LTBP4: variants seen among roughly 807,000 people sequenced by gnomAD.
LTBP4 encodes latent transforming growth factor beta binding protein 4.
Under a neutral mutation model 180.2 loss-of-function variants are expected in LTBP4, and 93 were observed. The ratio of observed to expected loss-of-function variants is 0.52; its 90% CI spans 0.44 to 0.61. The LOEUF (loss-of-function observed/expected upper bound fraction) is 0.61. LTBP4 is among the 20% of genes least tolerant of loss of function. The probability of loss-of-function intolerance (pLI) is 0.00; values close to 1 mark genes in which losing one functional copy is unlikely to be tolerated. For missense variants in LTBP4, 2,116 were observed against 2,256.5 expected, an observed-to-expected ratio of 0.94 and a Z score of 1.26; for synonymous variants, 947 against 934.5, an observed-to-expected ratio of 1.01 and a Z score of -0.24.
chr19:40,617,248 T>A (rs1319828597), intron 21 of LTBP4, 23 bp downstream of exon 21: 1 of 1,606,452 alleles, frequency 6.2e-7, no homozygotes, highest in African/African-American at 1.3e-5. Context: ...AGGAGGTGGA[T>A]GGGACCAAAG....
upstream of LTBP4, chr19:40,599,767 C>T (rs2099790164): frequency 6.8e-6 from 4 of 587,176 alleles, no homozygotes; most frequent in Middle Eastern, 4.5e-4. Context: ...CTGTCTCTTT[C>T]TGTTTCTTTC....
Position 40,622,125 on chromosome 19 carries a change from A to G in LTBP4, c.3218-276A>G, listed in dbSNP as rs1454771471. ...TAAGAGACCCAGAGAGGCATCCAGGAAGCCAGGGAAGTTCCCTCACCACCC... is the reference window on the plus strand; with the variant it reads ...TAAGAGACCCAGAGAGGCATCCAGGGAGCCAGGGAAGTTCCCTCACCACCC... On this transcript the variant is annotated intron_variant, in intron 22 of 29. Coordinates refer to ENST00000396819, the MANE Select transcript of LTBP4 (RefSeq NM_001042545.2). This position sits in a 1 kb window ranked among gnomAD's most constrained non-coding sequence, Gnocchi z 5.1. Among the ~76,000 whole-genome samples the G allele has an allele frequency of 6.6e-6, 1 of 152,180 alleles. No homozygotes were observed. The highest frequency in any genetic ancestry group is 1.5e-5 in the Non-Finnish European group (1 of 68,028).
Position 40,627,308 on chromosome 19 carries a change from G to A in LTBP4, c.4319G>A (p.Arg1440His), listed in dbSNP as rs937252999. ...RWPYRSRDTR[R>H]SFPEPEEPPE... Reference sequence around the variant, plus strand: ...CCCTATCGGTCCCGGGACACCCGCCGCTCCTTCCCAGAGCCCGAGGAGCCT... The same window carrying A: ...CCCTATCGGTCCCGGGACACCCGCCACTCCTTCCCAGAGCCCGAGGAGCCT... The change falls in exon 28 of 30, where the codon CGC (arginine) becomes CAC (histidine). Residue 1440 changes from arginine to histidine, a missense_variant. Around this residue, in one of 5 missense-constraint regions of LTBP4, gnomAD observed 488 missense variants for 458.8 expected, o/e 1.06. Transcript: ENST00000396819. The A allele has an allele frequency of 1.3e-6, 2 of 1,529,826 alleles. No homozygotes were observed. The highest frequency in any genetic ancestry group is 2.4e-5 in the East Asian group (1 of 41,788). 94.8% of individuals were successfully genotyped at this position (1,529,826 alleles called of 1,614,324 possible).
Position 40,613,100 on chromosome 19 carries a change from G to A in LTBP4, c.2335G>A (p.Gly779Ser). 6.2e-7 allele frequency: 1 copy of A among 1,609,798 alleles called. No individual in the cohort carries two copies. The highest frequency in any genetic ancestry group is 8.5e-7 in the Non-Finnish European group (1 of 1,178,184). ...ATGCAGTTCGGGTGCCCCTCCCTGT[G>A]GTCCCCACGGCCACTGCACTAACAC... ...DECSSGAPPC[G>S]PHGHCTNTEG... Residue 779 changes from glycine to serine, a missense_variant, in exon 16 of 30, where the codon GGT becomes AGT. Gly to Ser is a moderately conservative substitution (Grantham distance 56). Transcript: ENST00000396819. The surrounding 1 kb of genome is among the most constrained non-coding windows in gnomAD (Gnocchi z 5.0).
rs369640434 is a variant in LTBP4, at chr19:40,614,053, C to T, written c.2680+15C>T. ...CTCCTGCCTCGGTGAGAGGCCCCGC[C>T]CCGGCCTGATCCCTCCTCCCTTCGA... On this transcript the variant is annotated intron_variant, in intron 18 of 29. Transcript: ENST00000396819. 1.1e-5 allele frequency: 18 copies of T among 1,611,688 alleles called. No individual in the cohort carries two copies. Among genetic ancestry groups the T allele is most frequent in the Non-Finnish European group, 1.5e-5 (18 of 1,179,592 alleles).
At chr19:40,597,255 C>A, upstream of LTBP4, 1 of 1,508,244 alleles carries the variant, frequency 6.6e-7, no homozygotes, top group Non-Finnish European at 8.8e-7. Flanking sequence ...CTGGCACCAG[C>A]GGCCGCCGCC....
chr19:40,601,618 G>A lies in LTBP4; in HGVS notation c.231G>A (p.Gly77=), dbSNP rs902755205. The part of the protein sequence containing the change: ...DSGAPGGAAP[G]GPGFRAFLCP... ...GCGCTCCCGGCGGGGCGGCCCCGGG[G>A]GGACCCGGCTTCCGCGCCTGTGAGT... Residue 77 remains glycine, a synonymous_variant, in exon 1 of 30, where the codon GGG becomes GGA. Coordinates refer to ENST00000396819, the MANE Select transcript of LTBP4 (RefSeq NM_001042545.2). The A allele has an allele frequency of 2.4e-5, 33 of 1,377,914 alleles. No homozygotes were observed. The highest frequency in any genetic ancestry group is 2.7e-5 in the Non-Finnish European group (29 of 1,073,482). The allele number at this position is 1,377,914 out of a possible 1,614,324, so 85.4% of individuals were successfully genotyped here.
Position 40,627,240 on chromosome 19 carries a change from C to A in LTBP4, c.4251C>A (p.Gly1417=). Residue 1417 remains glycine, a synonymous_variant, in exon 28 of 30, where the codon GGC becomes GGA. Transcript: ENST00000396819. ...PDFEDDGGPY[G]ESEAPAPPGP... ...TTGAGGACGATGGTGGCCCCTATGG[C>A]GAATCTGAGGCTCCTGCGCCACCTG... The A allele has an allele frequency of 6.3e-7, 1 of 1,596,930 alleles. No homozygotes were observed.
In LTBP4 at chr19:40,627,193, C is replaced by T. The variant is rs761300620; in HGVS notation, c.4204C>T (p.Pro1402Ser). Residue 1402 changes from proline to serine, a missense_variant, in exon 28 of 30, where the codon CCC (proline) becomes TCC (serine). This residue lies in a region of LTBP4 where 488 missense variants were observed against 458.8 expected (regional missense o/e 1.06). Transcript: ENST00000396819. ...FARREAPYGA[P>S]RFDMPDFEDD... ...CCGCCGGGAGGCTCCTTATGGGGCACCCCGCTTCGACATGCCAGACTTTGA... is the reference window on the plus strand; with the variant it reads ...CCGCCGGGAGGCTCCTTATGGGGCATCCCGCTTCGACATGCCAGACTTTGA... 9 of 1,611,978 alleles carry T rather than the reference C, an allele frequency of 5.6e-6. No homozygotes were observed. The highest frequency in any genetic ancestry group is 2.2e-5 in the East Asian group (1 of 44,838).
chr19:40,610,777 C>A (rs1293637358), intron 12 of LTBP4, 120 bp downstream of exon 12: 20 of 1,407,992 alleles, frequency 1.4e-5, no homozygotes, highest in South Asian at 5.9e-5. Flanking sequence ...AGAGGCCAGG[C>A]TCTCGAGCAG....
At chr19:40,597,297 C>A, upstream of LTBP4, 1 of 1,524,908 alleles carries the variant, frequency 6.6e-7, no homozygotes, top group Non-Finnish European at 8.8e-7. Context: ...TGCCGCTCTT[C>A]GCAGCCGCCA....
At chr19:40,604,512 C>T (rs1340499493) in intron 1 of LTBP4, among the ~76,000 whole-genome samples, 5 of 152,120 alleles carry the variant, frequency 3.3e-5, no homozygotes, top group Non-Finnish European at 5.9e-5. Flanking sequence ...TCCGTGGACT[C>T]AGCCAGAAAT....
At chr19:40,626,150 C>T in intron 27 of LTBP4, 141 bp downstream of exon 27, 1 of 953,462 alleles carries the variant, frequency 1.0e-6, no homozygotes, top group East Asian at 3.1e-5. Context: ...CAGCCCATCC[C>T]AAAATCTTGG....
At position 40,616,975 on chromosome 19, in the gene LTBP4, G is replaced by C. The variant is rs778748338; in HGVS notation, c.2899G>C (p.Ala967Pro). Residue 967 changes from alanine (A) to proline (P), a missense_variant, in exon 20 of 30, where the codon GCC becomes CCC. This residue lies in a region of LTBP4 where 877 missense variants were observed against 873.6 expected (regional missense o/e 1.00). Transcript: ENST00000396819. ...NTPGSYRCTP[A>P]CDPGYQPTPG... ...CCCTGGCTCCTACCGCTGCACACCA[G>C]CCTGTGACCCTGGCTATCAGCCCAC... is the stretch of plus-strand genomic sequence containing the variant. 3.1e-6 allele frequency: 5 copies of C among 1,614,026 alleles called. No individual in the cohort carries two copies. Among genetic ancestry groups the C allele is most frequent in the African/African-American group, 1.3e-5 (1 of 75,068 alleles).
chr19:40,621,195 G>A (rs563637886), intron 22 of LTBP4, among the ~76,000 whole-genome samples: 3 of 152,134 alleles, frequency 2.0e-5, no homozygotes, highest in South Asian at 2.1e-4. Context: ...CACCTGCCTC[G>A]GCTTCCCAAA....
At chr19:40,625,252 T>TTA (rs71173663) in intron 26 of LTBP4, among the ~76,000 whole-genome samples, 1 of 44,028 alleles carries the variant, frequency 2.3e-5, no homozygotes, top group Admixed American at 3.5e-4. Context: ...ATTTTTGTAT[T>TTA]TATATATATA....
At position 40,609,903 on chromosome 19, in the gene LTBP4, C is replaced by T. The variant is rs1405546267; in HGVS notation, c.1684+32C>T. On this transcript the variant is annotated intron_variant, in intron 11 of 29. Coordinates refer to ENST00000396819, the MANE Select transcript of LTBP4 (RefSeq NM_001042545.2). This position sits in a 1 kb window ranked among gnomAD's most constrained non-coding sequence, Gnocchi z 4.9. ...AATTTGCCCCACCCGGCTCCAGGCC[C>T]ACCCCAGGGTCTCGCTCCTGCTCTC... is the stretch of plus-strand genomic sequence containing the variant. The T allele has an allele frequency of 6.7e-7, 1 of 1,499,872 alleles. No homozygotes were observed. The highest frequency in any genetic ancestry group is 8.9e-7 in the Non-Finnish European group (1 of 1,122,328). The allele number at this position is 1,499,872 out of a possible 1,614,324, so 92.9% of individuals were successfully genotyped here.
Position 40,613,407 on chromosome 19 carries a change from T to A in LTBP4, c.2435T>A (p.Val812Glu), listed in dbSNP as rs959787824. The A allele has an allele frequency of 5.0e-6, 8 of 1,606,532 alleles. No homozygotes were observed. The African/African-American group carries it at 9.4e-5, about 19-fold the overall frequency. The change falls in exon 17 of 30, where the codon GTG becomes GAG. Residue 812 changes from valine to glutamate, a missense_variant. Val to Glu is a moderately radical substitution (Grantham distance 121). Around this residue, in one of 5 missense-constraint regions of LTBP4, gnomAD observed 877 missense variants for 873.6 expected, o/e 1.00. Coordinates refer to ENST00000396819, the MANE Select transcript of LTBP4 (RefSeq NM_001042545.2). The surrounding 1 kb of genome is among the most constrained non-coding windows in gnomAD (Gnocchi z 5.0). ...PSGRPGPCAD[V>E]NECLEGDFCF... ...CCCAATCTCCCGCGTACCCTAGACGTGAACGAGTGCCTGGAGGGCGATTTC... is the reference window on the plus strand; with the variant it reads ...CCCAATCTCCCGCGTACCCTAGACGAGAACGAGTGCCTGGAGGGCGATTTC...
Position 40,611,311 on chromosome 19 carries a change from G to A in LTBP4, c.1970G>A (p.Gly657Asp), listed in dbSNP as rs2081504524. The change falls in exon 13 of 30, where the codon GGC becomes GAC. Residue 657 changes from glycine to aspartate, a missense_variant. Physicochemically the swap from Gly to Asp is moderately conservative, Grantham distance 94. Transcript: ENST00000396819. This position sits in a 1 kb window ranked among gnomAD's most constrained non-coding sequence, Gnocchi z 4.4. ...CAGGAGCCGCCGCCCTGTGGGCCCG[G>A]CCGCTGTGACAACACGGCAGGCTCC... is the stretch of plus-strand genomic sequence containing the variant. ...CAQEPPPCGP[G>D]RCDNTAGSFH... The A allele has an allele frequency of 6.2e-7, 1 of 1,612,154 alleles. No individual in the cohort carries two copies. The highest frequency in any genetic ancestry group is 8.5e-7 in the Non-Finnish European group (1 of 1,179,522).
Sources: allele counts gnomAD v4.1 joint callset (sites outside exome capture counted in the v4.1 genomes callset), GRCh38; gene constraint gnomAD v4.1.1; regional missense constraint gnomAD v4.1.1; non-coding constraint Gnocchi (gnomAD v3.1); transcripts MANE v1.5; gene names NCBI Gene and HGNC (gene_info 2026-07-23, HGNC 2026-07-21).